MIPOL1: variants seen among roughly 807,000 people sequenced by gnomAD.
MIPOL1 encodes the protein mirror-image polydactyly gene 1 protein.
In MIPOL1, 57 loss-of-function variants were observed where a neutral mutation model predicts 60.9. That is an observed-to-expected ratio of 0.94 (90% CI 0.76 to 1.17). MIPOL1 has a LOEUF of 1.17. Among genes scored for constraint, MIPOL1 ranks in the 50% most tolerant of loss-of-function variants. MIPOL1 has a pLI of 0.00. For synonymous variants in MIPOL1, 179 were observed against 168.8 expected (o/e 1.06, Z -0.47); for missense variants, 551 against 511.6 (o/e 1.08, Z -0.74).
chr14:37,370,718 AT>A lies in MIPOL1; in HGVS notation c.936+1097del, dbSNP rs1233272368. 2.6e-5 allele frequency among the ~76,000 whole-genome samples: 4 copies of A among 152,272 alleles called. No individual in the cohort carries two copies. In the East Asian group the frequency reaches 7.7e-4, roughly 29 times the overall value. Reference sequence around the variant, plus strand: ...GGTAGGCTTATAATAACTTTGTTATATTTGTCTAATGCACTTTTCTTCTTTA... The same window carrying A: ...GGTAGGCTTATAATAACTTTGTTATATTGTCTAATGCACTTTTCTTCTTTA... On this transcript the variant is annotated intron_variant, in intron 10 of 12. Coordinates refer to ENST00000684589, the MANE Select transcript of MIPOL1 (RefSeq NM_001388067.1).
chr14:37,431,629 AG>A (rs2094070603), intron 11 of MIPOL1, among the ~76,000 whole-genome samples: 1 of 109,156 alleles, frequency 9.2e-6, no homozygotes, highest in East Asian at 3.2e-4. Flanking sequence ...CCCAGGCTGG[AG>A]TGCAGTGGCG....
intron 1 of MIPOL1, among the ~76,000 whole-genome samples, chr14:37,238,478 T>C (rs1594665934): frequency 1.3e-5 from 2 of 152,292 alleles, no homozygotes; most frequent in South Asian, 4.1e-4. Flanking sequence ...TTTTAATAGT[T>C]ATGACAGGAT....
chr14:37,318,824 T>TTAGTTAG (rs1567445929), intron 9 of MIPOL1, among the ~76,000 whole-genome samples: 61 of 148,244 alleles, frequency 4.1e-4, no homozygotes, highest in African/African-American at 1.5e-3. Context: ...TATTTATTTA[T>TTAGTTAG]TTAGTTAGTT....
At chr14:37,351,456 C>T (rs1345997875) in intron 9 of MIPOL1, among the ~76,000 whole-genome samples, 11 of 151,866 alleles carry the variant, frequency 7.2e-5, no homozygotes, top group South Asian at 4.2e-4. Flanking sequence ...ATGGTATTTC[C>T]AGTTCTAGAT....
chr14:37,464,657 G>A (rs1466118975), intron 11 of MIPOL1, among the ~76,000 whole-genome samples: 1 of 152,088 alleles, frequency 6.6e-6, no homozygotes, highest in Non-Finnish European at 1.5e-5. Flanking sequence ...TTGGGTGGTG[G>A]CTGTACTAAA....
intron 11 of MIPOL1, among the ~76,000 whole-genome samples, chr14:37,496,741 G>A (rs902714094): frequency 8.6e-5 from 13 of 152,008 alleles, no homozygotes; most frequent in African/African-American, 2.9e-4. Flanking sequence ...GTAATTTACA[G>A]ATTCAATGCC....
At chr14:37,542,393 C>CT (rs1452046032) in intron 12 of MIPOL1, among the ~76,000 whole-genome samples, 3 of 152,192 alleles carry the variant, frequency 2.0e-5, no homozygotes, top group African/African-American at 7.2e-5. Flanking sequence ...ATCCCCTCCT[C>CT]TGGCTTCAGT....
At chr14:37,476,324 A>G (rs1158783683) in intron 11 of MIPOL1, among the ~76,000 whole-genome samples, 1 of 152,070 alleles carries the variant, frequency 6.6e-6, no homozygotes, top group Non-Finnish European at 1.5e-5. Flanking sequence ...ATGGTCTGGA[A>G]TGTTTTTTTT....
At position 37,549,424 on chromosome 14, in the gene MIPOL1, GTGA is replaced by G. The variant is rs1566806520; in HGVS notation, c.*2458_*2460del. 2.0e-5 allele frequency: 3 copies of G among 151,380 alleles called. No individual in the cohort carries two copies. The highest frequency in any genetic ancestry group is 4.8e-5 in the African/African-American group (2 of 41,264). 9.4% of individuals were successfully genotyped at this position (151,380 alleles called of 1,614,324 possible). On this transcript the variant is annotated 3_prime_UTR_variant, in exon 13 of 13. Coordinates refer to ENST00000684589, the MANE Select transcript of MIPOL1 (RefSeq NM_001388067.1). ...ATATATAACCCATATAATAACGATG[GTGA>G]TGATAATTTTAGTATTACTGTCATT...
chr14:37,471,964 G>C (rs1461491786), intron 11 of MIPOL1, among the ~76,000 whole-genome samples: 1 of 152,184 alleles, frequency 6.6e-6, no homozygotes, highest in Non-Finnish European at 1.5e-5. Flanking sequence ...AGGAGGAAGG[G>C]AAGCAGGGCC....
chr14:37,337,918 CA>C (rs1250672285), intron 9 of MIPOL1, among the ~76,000 whole-genome samples: 2 of 151,820 alleles, frequency 1.3e-5, no homozygotes, highest in African/African-American at 4.8e-5. Flanking sequence ...TTCAGTCACT[CA>C]AAAGATAAGA....
At chr14:37,417,893 T>A (rs1468169261) in intron 10 of MIPOL1, among the ~76,000 whole-genome samples, 2 of 152,216 alleles carry the variant, frequency 1.3e-5, no homozygotes, top group Non-Finnish European at 2.9e-5. Context: ...AGTTCCAACT[T>A]TCTTTCTAAC....
At chr14:37,304,044 G>A (rs1215841933) in intron 7 of MIPOL1, among the ~76,000 whole-genome samples, 2 of 151,814 alleles carry the variant, frequency 1.3e-5, no homozygotes, top group African/African-American at 4.8e-5. Context: ...ACTGTCAAGA[G>A]TGTGTTTTAG....
chr14:37,478,462 A>C (rs1292784567), intron 11 of MIPOL1, among the ~76,000 whole-genome samples: 1 of 152,224 alleles, frequency 6.6e-6, no homozygotes, highest in East Asian at 1.9e-4. Context: ...TTACTGATGA[A>C]AATCTGATGC....
At chr14:37,428,869 T>C (rs767198615) in intron 11 of MIPOL1, among the ~76,000 whole-genome samples, 30 of 152,132 alleles carry the variant, frequency 2.0e-4, no homozygotes, top group Non-Finnish European at 4.1e-4. Context: ...TTAGGAGCAG[T>C]GGCCAGTGAG....
intron 10 of MIPOL1, among the ~76,000 whole-genome samples, chr14:37,408,152 G>A (rs1020940910): frequency 7.2e-5 from 11 of 151,952 alleles, no homozygotes; most frequent in East Asian, 3.9e-4. Flanking sequence ...GAACACTGGC[G>A]TGAGCCACCA....
At chr14:37,520,827 G>A (rs1284139149) in intron 12 of MIPOL1, among the ~76,000 whole-genome samples, 1 of 150,918 alleles carries the variant, frequency 6.6e-6, no homozygotes, top group Non-Finnish European at 1.5e-5. Flanking sequence ...GTTGGGTTTA[G>A]GGACTGAATA....
intron 12 of MIPOL1, among the ~76,000 whole-genome samples, chr14:37,522,869 A>G (rs1429686677): frequency 6.6e-6 from 1 of 152,132 alleles, no homozygotes; most frequent in East Asian, 1.9e-4. Flanking sequence ...GGAGAGCTAC[A>G]TGTTAGTGGG....
chr14:37,526,095 C>G (rs1171847191), intron 12 of MIPOL1, among the ~76,000 whole-genome samples: 2 of 151,346 alleles, frequency 1.3e-5, no homozygotes, highest in Non-Finnish European at 2.9e-5. Context: ...GAAGAATCAC[C>G]AAAAATGTGA....
Sources: gnomAD v4.1 joint callset for allele counts (sites outside exome capture counted in the v4.1 genomes callset) on GRCh38, gnomAD v4.1.1 for gene constraint, MANE v1.5 for transcripts, NCBI Gene and HGNC (gene_info 2026-07-23, HGNC 2026-07-21) for gene names.